The following KDM4C variants were observed in gnomAD, a reference collection of about 807,000 sequenced individuals.
The protein encoded by KDM4C is lysine-specific demethylase 4C.
KDM4C carries 81 observed loss-of-function variants against 129.3 expected under a neutral mutation model. That is an observed-to-expected ratio of 0.63 (90% CI 0.52 to 0.75). KDM4C has a LOEUF of 0.75. Ranked by LOEUF, KDM4C falls within the 30% of genes least tolerant of loss-of-function variation. The probability of loss-of-function intolerance (pLI) is 0.00; values close to 1 mark genes in which losing one functional copy is unlikely to be tolerated. For synonymous variants in KDM4C, 573 were observed against 456.1 expected (o/e 1.26, Z -3.26); for missense variants, 1,457 against 1,304.0 (o/e 1.12, Z -1.81).
intron 8 of KDM4C, among the ~76,000 whole-genome samples, chr9:6,935,167 T>C (rs536027725): frequency 6.6e-6 from 1 of 152,278 alleles, no homozygotes; most frequent in East Asian, 1.9e-4. Context: ...CTACTGTTTT[T>C]TAGAATATAA....
intron 15 of KDM4C, among the ~76,000 whole-genome samples, chr9:7,020,301 G>C (rs1824558974): frequency 1.3e-5 from 2 of 152,108 alleles, no homozygotes; most frequent in African/African-American, 2.4e-5. Flanking sequence ...TCAATCCTTG[G>C]ATACAGTTTA....
At chr9:6,839,677 C>G (rs1437490004) in intron 4 of KDM4C, among the ~76,000 whole-genome samples, 1 of 152,048 alleles carries the variant, frequency 6.6e-6, no homozygotes. Context: ...GAGGCCGAGG[C>G]AGGAGGATCA....
intron 6 of KDM4C, among the ~76,000 whole-genome samples, chr9:6,886,232 A>C (rs1018003925): frequency 6.6e-6 from 1 of 152,024 alleles, no homozygotes; most frequent in African/African-American, 2.4e-5. Context: ...TGTATTATGA[A>C]TATTAACCAT....
At chr9:6,733,260 A>T (rs1817410558) in intron 1 of KDM4C, among the ~76,000 whole-genome samples, 1 of 152,238 alleles carries the variant, frequency 6.6e-6, no homozygotes, top group African/African-American at 2.4e-5. Context: ...AAAGCTGTGA[A>T]AACATCATGG....
chr9:6,843,559 T>C (rs777852956), intron 4 of KDM4C, among the ~76,000 whole-genome samples: 3 of 152,112 alleles, frequency 2.0e-5, no homozygotes, highest in Non-Finnish European at 2.9e-5. Context: ...GTAGCCACAG[T>C]CTTCTTGTGG....
intron 8 of KDM4C, among the ~76,000 whole-genome samples, chr9:6,922,682 G>C (rs1210401478): frequency 6.6e-6 from 1 of 152,244 alleles, no homozygotes; most frequent in African/African-American, 2.4e-5. Flanking sequence ...GGGAGATTGA[G>C]GTTGCAGTGA....
At chr9:7,020,203 A>G (rs973705422) in intron 15 of KDM4C, among the ~76,000 whole-genome samples, 4 of 152,216 alleles carry the variant, frequency 2.6e-5, no homozygotes, top group African/African-American at 4.8e-5. Context: ...ACAATTTTTT[A>G]TTGTACCCTA....
chr9:7,138,933 T>C (rs1841482649), intron 19 of KDM4C, among the ~76,000 whole-genome samples: 1 of 152,208 alleles, frequency 6.6e-6, no homozygotes, highest in Admixed American at 6.5e-5. Context: ...TATTTGTAGG[T>C]TATGTTTTTA....
chr9:6,772,465 G>A (rs543561275), intron 1 of KDM4C, among the ~76,000 whole-genome samples: 9 of 152,090 alleles, frequency 5.9e-5, no homozygotes, highest in African/African-American at 2.2e-4. Context: ...GCGTTCAAGC[G>A]ATTCTCCTGC....
intron 17 of KDM4C, among the ~76,000 whole-genome samples, chr9:7,076,166 A>C (rs1168253044): frequency 6.6e-6 from 1 of 152,194 alleles, no homozygotes; most frequent in African/African-American, 2.4e-5. Context: ...GTAATAAACC[A>C]ACAGCAAGAA....
chr9:7,025,110 GTGACCTTA>G (rs1825590572), intron 15 of KDM4C, among the ~76,000 whole-genome samples: 1 of 152,100 alleles, frequency 6.6e-6, no homozygotes, highest in African/African-American at 2.4e-5. Flanking sequence ...TTATTATATA[GTGACCTTA>G]TTTTTCTCTT....
At position 6,927,282 on chromosome 9, in the gene KDM4C, A is replaced by C. The variant is rs139557003; in HGVS notation, c.921+34050A>C. On this transcript the variant is annotated intron_variant, in intron 8 of 21. Coordinates refer to ENST00000381309, the MANE Select transcript of KDM4C (RefSeq NM_015061.6). Reference sequence around the variant, plus strand: ...GTAGTTGGGATTACAGGCGCATGCCACCAAGCCTAGCTAATTTTTGTGTTT... The same window carrying C: ...GTAGTTGGGATTACAGGCGCATGCCCCCAAGCCTAGCTAATTTTTGTGTTT... 4.3e-3 allele frequency among the ~76,000 whole-genome samples: 655 copies of C among 152,218 alleles called. 4 individuals are homozygous for C. The highest frequency in any genetic ancestry group is 0.014 in the African/African-American group (596 of 41,534).
upstream of KDM4C, chr9:6,757,755 C>T: frequency 1.0e-6 from 1 of 985,646 alleles, no homozygotes; most frequent in Non-Finnish European, 1.2e-6. Context: ...CCTGTTTTCT[C>T]CTTCTACGCG....
At chr9:6,906,595 C>T (rs1818365208) in intron 8 of KDM4C, among the ~76,000 whole-genome samples, 1 of 152,198 alleles carries the variant, frequency 6.6e-6, no homozygotes, top group Non-Finnish European at 1.5e-5. Context: ...GCACATGCCG[C>T]CATGACTGGC....
chr9:6,789,378 G>A (rs910534256), intron 1 of KDM4C, among the ~76,000 whole-genome samples: 2 of 151,838 alleles, frequency 1.3e-5, no homozygotes, highest in Admixed American at 1.3e-4. Flanking sequence ...GTGCCACCAC[G>A]CCTGGCTAAT....
chr9:7,073,146 G>A (rs1833440252), intron 17 of KDM4C, among the ~76,000 whole-genome samples: 2 of 152,118 alleles, frequency 1.3e-5, no homozygotes, highest in Non-Finnish European at 1.5e-5. Flanking sequence ...CTCAGGGGTG[G>A]AATCTTCTTC....
chr9:6,746,760 G>A (rs1406869344), intron 1 of KDM4C, among the ~76,000 whole-genome samples: 1 of 149,832 alleles, frequency 6.7e-6, no homozygotes, highest in Non-Finnish European at 1.5e-5. Flanking sequence ...TGTAATCCCA[G>A]CACTTTGGGA....
chr9:6,856,643 G>C (rs948972308), intron 5 of KDM4C, among the ~76,000 whole-genome samples: 2 of 150,154 alleles, frequency 1.3e-5, no homozygotes, highest in Non-Finnish European at 3.0e-5. Context: ...TGCGATGATG[G>C]CTAACTGCAG....
intron 5 of KDM4C, among the ~76,000 whole-genome samples, chr9:6,873,812 C>G (rs1441547910): frequency 6.6e-6 from 1 of 152,140 alleles, no homozygotes; most frequent in Non-Finnish European, 1.5e-5. Context: ...TCTTAGCTTT[C>G]AAAATGCCCT....
Sources: gnomAD v4.1 joint callset for allele counts (sites outside exome capture counted in the v4.1 genomes callset) on GRCh38, gnomAD v4.1.1 for gene constraint, MANE v1.5 for transcripts, NCBI Gene and HGNC (gene_info 2026-07-23, HGNC 2026-07-21) for gene names.